Variants in BMS1 observed in about 807,000 individuals in gnomAD.
BMS1 encodes the protein ribosome biogenesis protein BMS1 homolog.
In BMS1, 53 loss-of-function variants were observed where a neutral mutation model predicts 138.7. That is an observed-to-expected ratio of 0.38 (90% confidence interval 0.31 to 0.48). The LOEUF is 0.48. Among genes scored for constraint, BMS1 ranks in the 20% least tolerant of loss-of-function variants. BMS1 has a pLI of 0.97. For missense variants in BMS1, 1,360 were observed against 1,565.5 expected (o/e 0.87, Z 2.22); for synonymous variants, 504 against 539.9 (o/e 0.93, Z 0.92).
chr10:42,798,433 T>C (rs761757261), intron 11 of BMS1, 35 bp from the exon 12 acceptor site: 201 of 1,613,552 alleles, frequency 1.2e-4, no homozygotes, highest in Middle Eastern at 3.3e-4. Flanking sequence ...GCTGTAATTT[T>C]TGTTCTCACT....
intron 13 of BMS1, 45 bp downstream of exon 13, chr10:42,802,263 C>CT (rs745817148): frequency 2.0e-6 from 3 of 1,536,364 alleles, no homozygotes; most frequent in Non-Finnish European, 2.7e-6. Context: ...CTTCTCTAAA[C>CT]TTTATTTTCT....
intron 15 of BMS1, among the ~76,000 whole-genome samples, 192 bp from the exon 16 acceptor site, chr10:42,820,044 G>A (rs1410014850): frequency 1.3e-5 from 2 of 152,038 alleles, no homozygotes; most frequent in East Asian, 1.9e-4. Flanking sequence ...TGCCCACCTC[G>A]GCCTCCCAAA....
chr10:42,799,062 G>C (rs1841790405), intron 12 of BMS1, among the ~76,000 whole-genome samples: 1 of 152,142 alleles, frequency 6.6e-6, no homozygotes, highest in African/African-American at 2.4e-5. Context: ...AATTCATTCA[G>C]TACTCAAACT....
At chr10:42,787,030 AAAAATG>A in intron 3 of BMS1, 132 bp from the exon 4 acceptor site, 2 of 687,464 alleles carry the variant, frequency 2.9e-6, no homozygotes, top group East Asian at 5.4e-5. Context: ...TTTTGCCTGT[AAAAATG>A]AACTTCTTGT....
chr10:42,822,151 A>G lies in BMS1; in HGVS notation c.3099A>G (p.Pro1033=), dbSNP rs756135246. 2.3e-5 allele frequency: 34 copies of G among 1,506,420 alleles called. No individual in the cohort carries two copies. The highest frequency in any genetic ancestry group is 2.3e-5 in the South Asian group (2 of 88,152). The allele number at this position is 1,506,420 out of a possible 1,614,324, so 93.3% of individuals were successfully genotyped here. The part of the protein sequence containing the change: ...IVKKLKLTGF[P]YKIFKNTSFI... ...AGAAATTAAAGCTAACTGGTTTTCC[A>G]TATAAAATTTTCAAGAACACTTCAT... The change falls in exon 19 of 23, where the codon CCA becomes CCG. Residue 1033 remains proline, a synonymous_variant. Coordinates refer to ENST00000374518, the MANE Select transcript of BMS1 (RefSeq NM_014753.4).
Position 42,831,763 on chromosome 10 carries a change from T to C in BMS1, c.*667T>C, listed in dbSNP as rs1842803927. The C allele has an allele frequency of 6.6e-6, 1 of 152,368 alleles. No individual in the cohort carries two copies. The highest frequency in any genetic ancestry group is 1.5e-5 in the Non-Finnish European group (1 of 68,188). The allele number at this position is 152,368 out of a possible 1,614,324, so 9.4% of individuals were successfully genotyped here. ...AGACTTAGGAGATTATTGTCTCAGG[T>C]GCAGAGACCAAGGAAATCGTATGTA... is the stretch of plus-strand genomic sequence containing the variant. On this transcript the variant is annotated 3_prime_UTR_variant, in exon 23 of 23. Coordinates refer to ENST00000374518, the MANE Select transcript of BMS1 (RefSeq NM_014753.4).
At chr10:42,812,210 A>T (rs1458682277) in intron 13 of BMS1, among the ~76,000 whole-genome samples, 1 of 152,212 alleles carries the variant, frequency 6.6e-6, no homozygotes, top group African/African-American at 2.4e-5. Flanking sequence ...CGGTGGCATG[A>T]ACATGACTCA....
rs189028688 is a variant in BMS1 at position 42,801,352 on chromosome 10, A to G, written c.2248-785A>G. Among the ~76,000 whole-genome samples the G allele has an allele frequency of 2.9e-3, 443 of 152,360 alleles. 1 individual carries two copies. The highest frequency in any genetic ancestry group is 6.8e-3 in the Middle Eastern group (2 of 294). ...ATTTGCTTTATCCCATATTACACAC[A>G]AAATAGTGTCAGAATAATATGACTA... On this transcript the variant is annotated intron_variant, in intron 12 of 22. Transcript: ENST00000374518.
chr10:42,816,256 G>A (rs1244019527), intron 13 of BMS1, among the ~76,000 whole-genome samples: 3 of 152,140 alleles, frequency 2.0e-5, no homozygotes, highest in African/African-American at 7.2e-5. Context: ...CTGAGATCAT[G>A]CCACTGCACT....
intron 21 of BMS1, among the ~76,000 whole-genome samples, chr10:42,828,366 T>G (rs1284202139): frequency 6.6e-6 from 1 of 152,224 alleles, no homozygotes; most frequent in Non-Finnish European, 1.5e-5. Flanking sequence ...TGATTTCCTA[T>G]TTTTGGCCGT....
chr10:42,810,534 T>TA (rs1842141911), intron 13 of BMS1, among the ~76,000 whole-genome samples: 1 of 152,212 alleles, frequency 6.6e-6, no homozygotes, highest in African/African-American at 2.4e-5. Flanking sequence ...AGTTGCAAAG[T>TA]GTCCCCTATT....
chr10:42,817,375 G>T lies in BMS1; in HGVS notation c.2461G>T (p.Ala821Ser). The T allele has an allele frequency of 1.2e-6, 2 of 1,610,330 alleles. No individual in the cohort carries two copies. Among genetic ancestry groups the T allele is most frequent in the Middle Eastern group, 2.3e-4 (1 of 4,422 alleles). ...EEIDPDEEESAKKKHLDKKRK... is the reference protein window; with the variant it reads ...EEIDPDEEESSKKKHLDKKRK... The stretch of plus-strand genomic sequence containing the variant: ...AATTGACCCCGACGAAGAAGAAAGT[G>T]CCAAGAAAAAGCATTTGGATAAGAA... Residue 821 changes from alanine to serine, a missense_variant, in exon 15 of 23, where the codon GCC becomes TCC. Ala to Ser is a moderately conservative substitution (Grantham distance 99, BLOSUM62 1). This residue lies in a region of BMS1 where 425 missense variants were observed against 568.3 expected (regional missense o/e 0.75). Transcript: ENST00000374518.
chr10:42,818,822 G>A (rs955086552), intron 15 of BMS1, among the ~76,000 whole-genome samples: 2 of 152,186 alleles, frequency 1.3e-5, no homozygotes, highest in African/African-American at 4.8e-5. Flanking sequence ...TGGGCGAGAT[G>A]GGGCGATTGT....
At position 42,820,381 on chromosome 10, in the gene BMS1, T is replaced by A; in HGVS notation, c.2726T>A (p.Leu909Gln). 1 of 1,613,872 alleles carries A rather than the reference T, an allele frequency of 6.2e-7. No individual in the cohort carries two copies. The highest frequency in any genetic ancestry group is 8.5e-7 in the Non-Finnish European group (1 of 1,179,854). The change falls in exon 16 of 23, where the codon CTG becomes CAG. Residue 909 changes from leucine (L) to glutamine (Q), a missense_variant. Coordinates refer to ENST00000374518, the MANE Select transcript of BMS1 (RefSeq NM_014753.4). ...QNFDPHYPII[L>Q]GGLGNSEGNV... ...TTTGACCCCCATTACCCCATTATCCTGGGTGGCTTGGGCAACAGTGAGGGA... is the reference window on the plus strand; with the variant it reads ...TTTGACCCCCATTACCCCATTATCCAGGGTGGCTTGGGCAACAGTGAGGGA...
rs916334894 is a variant in BMS1, at chr10:42,787,206, G to C, written c.406G>C (p.Asp136His). The C allele has an allele frequency of 6.3e-6, 9 of 1,427,326 alleles. No homozygotes were observed. The African/African-American group carries it at 1.3e-4, about 20-fold the overall frequency. 88.4% of individuals were successfully genotyped at this position (1,427,326 alleles called of 1,614,324 possible). ...ACTCACCATTATTGAATGTGGGTGT[G>C]ACATTAACATGATGATTGATCTGGC... ...RRLTIIECGC[D>H]INMMIDLAKV... Residue 136 changes from aspartate to histidine, a missense_variant, in exon 4 of 23, where the codon GAC becomes CAC. Asp to His is a moderately conservative substitution (Grantham distance 81). Transcript: ENST00000374518.
intron 15 of BMS1, 36 bp from the exon 16 acceptor site, chr10:42,820,200 C>A: frequency 6.2e-7 from 1 of 1,601,954 alleles, no homozygotes. Flanking sequence ...TTACAGATAA[C>A]AGCATACAGG....
intron 13 of BMS1, among the ~76,000 whole-genome samples, chr10:42,812,033 T>G (rs1256942186): frequency 2.6e-5 from 4 of 152,228 alleles, no homozygotes; most frequent in East Asian, 1.9e-4. Context: ...TTGCCCCAAA[T>G]GTACTTCATC....
At position 42,791,743 on chromosome 10, in the gene BMS1, T is replaced by C; in HGVS notation, c.753T>C (p.Thr251=). The C allele has an allele frequency of 6.2e-7, 1 of 1,612,148 alleles. No homozygotes were observed. Among genetic ancestry groups the C allele is most frequent in the Non-Finnish European group, 8.5e-7 (1 of 1,179,440 alleles). Residue 251 remains threonine, a synonymous_variant, in exon 6 of 23, where the codon ACT becomes ACC. Transcript: ENST00000374518. The stretch of plus-strand genomic sequence containing the variant: ...AGTTTAGGCCTCTCACATGGCAAAC[T>C]TCTCACCCTTATATCCTGGCAGACA... ...VMKFRPLTWQ[T]SHPYILADRM...
chr10:42,820,770 C>G (rs1208568114), intron 17 of BMS1, 82 bp downstream of exon 17: 72 of 1,516,222 alleles, frequency 4.7e-5, no homozygotes, highest in African/African-American at 1.4e-5. Context: ...GCTTTTCTTT[C>G]ATAAAATTCC....
Sources: gnomAD v4.1 joint callset for allele counts (sites outside exome capture counted in the v4.1 genomes callset) on GRCh38, gnomAD v4.1.1 for gene constraint, gnomAD v4.1.1 regional missense constraint, MANE v1.5 for transcripts, NCBI Gene and HGNC (gene_info 2026-07-23, HGNC 2026-07-21) for gene names.